ELFN2: variants seen among roughly 807,000 people sequenced by gnomAD.
ELFN2 encodes the protein protein phosphatase 1 regulatory subunit 29.
A neutral mutation model predicts 45.5 loss-of-function variants in ELFN2; 17 were observed. That is an observed-to-expected ratio of 0.37 (90% confidence interval 0.26 to 0.56). The LOEUF is 0.56. Ranked by LOEUF, ELFN2 falls within the 20% of genes least tolerant of loss-of-function variation. The pLI is 0.77. For missense variants in ELFN2, 922 were observed against 1,183.2 expected, an observed-to-expected ratio of 0.78 and a Z score of 3.24; for synonymous variants, 550 against 551.5, an observed-to-expected ratio of 1.00 and a Z score of 0.04.
intron 1 of ELFN2, among the ~76,000 whole-genome samples, chr22:37,426,555 C>A (rs1932851819): frequency 6.7e-6 from 1 of 149,692 alleles, no homozygotes; most frequent in Non-Finnish European, 1.5e-5. Context: ...GCCCCACCAG[C>A]CAACACACCC....
intron 1 of ELFN2, chr22:37,353,737 C>T (rs1339295467): frequency 6.6e-6 from 1 of 151,022 alleles, no homozygotes; most frequent in Non-Finnish European, 1.5e-5. Context: ...ACCAGAGGGA[C>T]TAAAGCGCAA....
chr22:37,383,148 G>T (rs947872242), intron 2 of ELFN2, among the ~76,000 whole-genome samples: 3 of 152,128 alleles, frequency 2.0e-5, no homozygotes, highest in Non-Finnish European at 2.9e-5. Context: ...CTTACAACGT[G>T]TCGCCTGGAG....
intron 2 of ELFN2, among the ~76,000 whole-genome samples, chr22:37,381,489 C>A (rs992411937): frequency 3.3e-5 from 5 of 152,100 alleles, no homozygotes; most frequent in Non-Finnish European, 5.9e-5. Flanking sequence ...GTTCTTCCCC[C>A]AGAATCCCCA....
intron 1 of ELFN2, among the ~76,000 whole-genome samples, chr22:37,345,821 C>G (rs931090692): frequency 6.6e-6 from 1 of 152,220 alleles, no homozygotes; most frequent in South Asian, 2.1e-4. Context: ...GCTGGGATTA[C>G]AGGCATGAGC....
intron 1 of ELFN2, among the ~76,000 whole-genome samples, chr22:37,344,236 G>GCCCACCTGCCCACC (rs1930641000): frequency 8.6e-6 from 1 of 116,080 alleles, no homozygotes; most frequent in Non-Finnish European, 1.8e-5. Context: ...ACCTGCCCAT[G>GCCCACCTGCCCACC]CCCACCTGCC....
At chr22:37,405,089 CA>C (rs1361960162) in intron 2 of ELFN2, among the ~76,000 whole-genome samples, 3,436 of 121,356 alleles carry the variant, frequency 0.028, 352 homozygotes, top group African/African-American at 0.11. Flanking sequence ...TGAACCTCAG[CA>C]TTTTTTTTTT....
At chr22:37,426,296 G>A (rs1270366706) in intron 1 of ELFN2, among the ~76,000 whole-genome samples, 1 of 151,600 alleles carries the variant, frequency 6.6e-6, no homozygotes, top group Admixed American at 6.6e-5. Context: ...GACACACCAT[G>A]GCCTGTGGCC....
chr22:37,397,991 A>G (rs1932261243), intron 2 of ELFN2, among the ~76,000 whole-genome samples: 2 of 152,150 alleles, frequency 1.3e-5, no homozygotes, highest in Non-Finnish European at 2.9e-5. Context: ...GCTGCCCTGC[A>G]GGGTTGCTGT....
chr22:37,358,256 C>G (rs956591148), intron 1 of ELFN2, among the ~76,000 whole-genome samples: 1 of 152,066 alleles, frequency 6.6e-6, no homozygotes, highest in African/African-American at 2.4e-5. Flanking sequence ...AAGTTCAAAT[C>G]CCCCCCAGTC....
chr22:37,415,806 C>T (rs112614688), intron 2 of ELFN2, among the ~76,000 whole-genome samples: 1,718 of 152,050 alleles, frequency 0.011, 26 homozygotes, highest in African/African-American at 0.038. Flanking sequence ...ACTAAAAATA[C>T]AAAAAATTAG....
chr22:37,403,906 G>A (rs1932431701), intron 2 of ELFN2, among the ~76,000 whole-genome samples: 1 of 152,202 alleles, frequency 6.6e-6, no homozygotes, highest in Admixed American at 6.5e-5. Flanking sequence ...TGTAAAATGG[G>A]CAACACCACT....
chr22:37,346,552 T>C (rs1398130498), intron 1 of ELFN2, among the ~76,000 whole-genome samples: 1 of 152,154 alleles, frequency 6.6e-6, no homozygotes, highest in East Asian at 1.9e-4. Flanking sequence ...GGAGATACAA[T>C]TTGGTTTTTC....
intron 2 of ELFN2, among the ~76,000 whole-genome samples, chr22:37,391,341 G>A (rs1341507503): frequency 1.3e-5 from 2 of 152,096 alleles, no homozygotes; most frequent in South Asian, 2.1e-4. Context: ...CCCAGGGCCC[G>A]GCACCGTCCC....
chr22:37,412,701 G>A (rs1365730680), intron 2 of ELFN2, among the ~76,000 whole-genome samples: 3 of 152,208 alleles, frequency 2.0e-5, no homozygotes, highest in Non-Finnish European at 1.5e-5. Flanking sequence ...AAGGCACCGG[G>A]ACAACCACGC....
intron 1 of ELFN2, among the ~76,000 whole-genome samples, chr22:37,343,561 T>C (rs566142067): frequency 1.5e-3 from 221 of 152,192 alleles, no homozygotes; most frequent in African/African-American, 5.2e-3. Context: ...GCTTCCCTCA[T>C]TGCTGTGAGC....
chr22:37,408,919 G>A (rs1468557786), intron 2 of ELFN2, among the ~76,000 whole-genome samples: 1 of 152,200 alleles, frequency 6.6e-6, no homozygotes, highest in Non-Finnish European at 1.5e-5. Flanking sequence ...AGGAAGATAT[G>A]ATTCCCTTTG....
In ELFN2 at chr22:37,380,191, G is replaced by A. The variant is rs939694719; in HGVS notation, c.-462-4195C>T. On this transcript the variant is annotated intron_variant, in intron 2 of 2. Transcript: ENST00000402918. ...TGCACTGCGGCGTGTGGGAGGGGTTGAGGGGGGTTGGGCTAACTCCCCAGG... is the reference window on the plus strand; with the variant it reads ...TGCACTGCGGCGTGTGGGAGGGGTTAAGGGGGGTTGGGCTAACTCCCCAGG... Among the ~76,000 whole-genome samples the A allele has an allele frequency of 5.3e-5, 8 of 152,236 alleles. No individual in the cohort carries two copies. In the East Asian group the frequency reaches 1.5e-3, roughly 29 times the overall value.
chr22:37,379,068 G>C (rs1164082740), intron 2 of ELFN2, among the ~76,000 whole-genome samples: 1 of 152,214 alleles, frequency 6.6e-6, no homozygotes, highest in African/African-American at 2.4e-5. Context: ...AGGGGGTGCT[G>C]CAGGGAGGAG....
intron 2 of ELFN2, among the ~76,000 whole-genome samples, chr22:37,394,975 C>T (rs867018718): frequency 1.3e-5 from 2 of 152,088 alleles, no homozygotes; most frequent in African/African-American, 2.4e-5. Flanking sequence ...AGGGGGCACA[C>T]GCCTGTAGTC....
Sources: gnomAD v4.1 joint callset for allele counts (sites outside exome capture counted in the v4.1 genomes callset) on GRCh38, gnomAD v4.1.1 for gene constraint, MANE v1.5 for transcripts, NCBI Gene and HGNC (gene_info 2026-07-23, HGNC 2026-07-21) for gene names.